Variants in SNX18 observed in about 807,000 individuals in gnomAD.
SNX18 encodes sorting nexin 18, also known as sorting nexin-18.
Under a neutral mutation model 48.7 loss-of-function variants are expected in SNX18, and 35 were observed. The observed-to-expected ratio is 0.72, with a 90% confidence interval of 0.55 to 0.95. The LOEUF (loss-of-function observed/expected upper bound fraction) is 0.95, where lower values mean the gene tolerates loss of function less well. Among genes scored for constraint, SNX18 ranks in the 40% least tolerant of loss-of-function variants. SNX18 has a pLI of 0.00. For synonymous variants in SNX18, 492 were observed against 384.7 expected, an observed-to-expected ratio of 1.28 and a Z score of -3.26; for missense variants, 824 against 871.0, an observed-to-expected ratio of 0.95 and a Z score of 0.68.
At chr5:54,535,050 AG>A (rs1157656342) in intron 1 of SNX18, among the ~76,000 whole-genome samples, 3 of 152,236 alleles carry the variant, frequency 2.0e-5, no homozygotes, top group Non-Finnish European at 4.4e-5. Context: ...GAGCCTTTTA[AG>A]GTAATATTAA....
At position 54,541,153 on chromosome 5, in the gene SNX18, G is replaced by A. The variant is rs148958547; in HGVS notation, c.1622-2026G>A. ...AGCGATTCTCCTGCCCCAACCTCCCGAGTAGCTGGGATTACAGGTGCCCGC... is the reference window on the plus strand; with the variant it reads ...AGCGATTCTCCTGCCCCAACCTCCCAAGTAGCTGGGATTACAGGTGCCCGC... On this transcript the variant is annotated intron_variant, in intron 1 of 1. Transcript: ENST00000381410. Among the ~76,000 whole-genome samples the A allele has an allele frequency of 7.6e-3, 1,161 of 151,950 alleles. 11 individuals carry two copies. Among genetic ancestry groups the A allele is most frequent in the African/African-American group, 0.026 (1,083 of 41,440 alleles).
chr5:54,595,540 T>C, the SNX18 span, among the ~76,000 whole-genome samples: 2 of 152,196 alleles, frequency 1.3e-5, no homozygotes, highest in African/African-American at 4.8e-5. Flanking sequence ...TAGCCTGCTT[T>C]AAGTTCTTTC....
intron 1 of SNX18, among the ~76,000 whole-genome samples, chr5:54,529,913 T>C (rs1002171538): frequency 6.6e-6 from 1 of 152,232 alleles, no homozygotes; most frequent in African/African-American, 2.4e-5. Flanking sequence ...CTGTAACAAA[T>C]TCCTACAAAC....
chr5:54,572,332 G>A, the SNX18 span, among the ~76,000 whole-genome samples: 1 of 152,148 alleles, frequency 6.6e-6, no homozygotes, highest in Admixed American at 6.5e-5. Flanking sequence ...CAAGGGAATG[G>A]TCTGTAAACA....
the SNX18 span, among the ~76,000 whole-genome samples, chr5:54,593,637 T>C: frequency 6.6e-6 from 1 of 152,172 alleles, no homozygotes; most frequent in African/African-American, 2.4e-5. Flanking sequence ...TATGACCCGA[T>C]TTCTAGACTT....
Position 54,526,717 on chromosome 5 carries a change from T to G in SNX18, c.1621+7144T>G, listed in dbSNP as rs540891043. 3.9e-5 allele frequency among the ~76,000 whole-genome samples: 6 copies of G among 152,228 alleles called. No homozygotes were observed. In the South Asian group the frequency reaches 1.2e-3, roughly 32 times the overall value. On this transcript the variant is annotated intron_variant, in intron 1 of 1. Coordinates refer to ENST00000381410, the MANE Select transcript of SNX18 (RefSeq NM_001102575.2). ...TGGCCAAAACAAAGATCCCCACCCT[T>G]GTGGAGCTTGCAGTCTAGCAGGGTG...
the SNX18 span, among the ~76,000 whole-genome samples, chr5:54,557,267 G>T: frequency 3.3e-5 from 5 of 152,214 alleles, no homozygotes; most frequent in South Asian, 1.0e-3. Context: ...AGACACAAGT[G>T]CAGAATGCAT....
chr5:54,519,846 A>G (rs1196303951), intron 1 of SNX18: 1 of 1,583,740 alleles, frequency 6.3e-7, no homozygotes, highest in Non-Finnish European at 8.6e-7. Context: ...TTAGAGTTTG[A>G]ATAGTTGAGT....
At chr5:54,561,316 C>T in the SNX18 span, among the ~76,000 whole-genome samples, 1 of 152,056 alleles carries the variant, frequency 6.6e-6, no homozygotes, top group Non-Finnish European at 1.5e-5. Flanking sequence ...GCTGGGATTA[C>T]AGGCATGAGG....
chr5:54,530,710 T>C (rs1037458289), intron 1 of SNX18, among the ~76,000 whole-genome samples: 2 of 149,476 alleles, frequency 1.3e-5, no homozygotes, highest in East Asian at 2.0e-4. Context: ...ACTCTTCTTA[T>C]ACCCATTTTG....
chr5:54,624,234 C>A, the SNX18 span, among the ~76,000 whole-genome samples: 9 of 152,142 alleles, frequency 5.9e-5, no homozygotes, highest in Non-Finnish European at 1.2e-4. Flanking sequence ...AATGTATTCT[C>A]AATGGTGCTT....
the SNX18 span, among the ~76,000 whole-genome samples, chr5:54,634,647 A>G: frequency 1.3e-5 from 2 of 152,058 alleles, no homozygotes; most frequent in Admixed American, 1.3e-4. Flanking sequence ...CGCCTGCAAC[A>G]ATTTAGACCC....
chr5:54,542,472 G>A (rs187785804), intron 1 of SNX18, among the ~76,000 whole-genome samples: 18 of 152,280 alleles, frequency 1.2e-4, no homozygotes, highest in Admixed American at 1.0e-3. Context: ...GATGCAACGT[G>A]AAGTCAGAAT....
chr5:54,528,403 C>T (rs901181920), intron 1 of SNX18, among the ~76,000 whole-genome samples: 1 of 152,150 alleles, frequency 6.6e-6, no homozygotes, highest in African/African-American at 2.4e-5. Context: ...TAACTTAGTA[C>T]TGCGAATAAG....
the SNX18 span, among the ~76,000 whole-genome samples, chr5:54,553,615 T>C: frequency 6.6e-6 from 1 of 152,274 alleles, no homozygotes; most frequent in Non-Finnish European, 1.5e-5. Flanking sequence ...ATAATAATTT[T>C]ATTTATAGAT....
the SNX18 span, among the ~76,000 whole-genome samples, chr5:54,587,573 T>A: frequency 6.6e-6 from 1 of 152,210 alleles, no homozygotes; most frequent in East Asian, 1.9e-4. Context: ...CCCAATTACT[T>A]GCACCTGCAC....
the SNX18 span, among the ~76,000 whole-genome samples, chr5:54,641,351 G>A: frequency 6.6e-6 from 1 of 152,168 alleles, no homozygotes; most frequent in Non-Finnish European, 1.5e-5. Context: ...GTGGATACAA[G>A]AGACCAGCAG....
At chr5:54,647,648 AG>A in the SNX18 span, among the ~76,000 whole-genome samples, 6 of 152,146 alleles carry the variant, frequency 3.9e-5, no homozygotes, top group African/African-American at 1.4e-4. Context: ...ATCATCCTGA[AG>A]GCTGTGGGGG....
chr5:54,635,837 C>A, the SNX18 span, among the ~76,000 whole-genome samples: 11 of 152,220 alleles, frequency 7.2e-5, no homozygotes, highest in Admixed American at 1.3e-4. Context: ...TTGGCTTCAA[C>A]ATTTTCTTTT....
Sources: gnomAD v4.1 joint callset for allele counts (sites outside exome capture counted in the v4.1 genomes callset) on GRCh38, gnomAD v4.1.1 for gene constraint, MANE v1.5 for transcripts, NCBI Gene and HGNC (gene_info 2026-07-23, HGNC 2026-07-21) for gene names.